TFDP2: variants seen among roughly 807,000 people sequenced by gnomAD.
The protein encoded by TFDP2 is transcription factor Dp-2.
Under a neutral mutation model 59.3 loss-of-function variants are expected in TFDP2, and 17 were observed. That is an observed-to-expected ratio of 0.29 (90% CI 0.20 to 0.43). The LOEUF is 0.43. Among genes scored for constraint, TFDP2 ranks in the 20% least tolerant of loss-of-function variants. The pLI is 1.00. For synonymous variants in TFDP2, 180 were observed against 194.7 expected (o/e 0.92, Z 0.63); for missense variants, 391 against 528.8 (o/e 0.74, Z 2.56).
intron 6 of TFDP2, among the ~76,000 whole-genome samples, chr3:141,979,131 A>G (rs190218802): frequency 1.9e-3 from 287 of 152,354 alleles, no homozygotes; most frequent in African/African-American, 6.5e-3. Context: ...CAGTAGTCCA[A>G]TAAGATTACA....
At chr3:142,030,145 T>A (rs1198916294) in intron 3 of TFDP2, among the ~76,000 whole-genome samples, 1 of 152,212 alleles carries the variant, frequency 6.6e-6, no homozygotes, top group Non-Finnish European at 1.5e-5. Flanking sequence ...AAAATTTTCC[T>A]TTGCCAACAC....
chr3:142,024,445 A>G (rs908248329), intron 3 of TFDP2, among the ~76,000 whole-genome samples: 1 of 152,174 alleles, frequency 6.6e-6, no homozygotes, highest in Non-Finnish European at 1.5e-5. Context: ...ACAATGTAAA[A>G]GGTTTTCTCT....
chr3:142,071,041 T>C (rs554202844), intron 3 of TFDP2, among the ~76,000 whole-genome samples: 22 of 151,954 alleles, frequency 1.4e-4, no homozygotes, highest in Non-Finnish European at 2.9e-4. Context: ...GAGGAGCATA[T>C]AGAAAGGCTA....
chr3:142,000,846 G>C (rs1943699433), intron 4 of TFDP2, among the ~76,000 whole-genome samples: 1 of 152,144 alleles, frequency 6.6e-6, no homozygotes. Flanking sequence ...AACTTTTAAG[G>C]CTTCAGAATA....
In TFDP2 at chr3:141,970,095, T is replaced by A; in HGVS notation, c.710A>T (p.Gln237Leu). 3.1e-6 allele frequency: 5 copies of A among 1,614,202 alleles called. No individual in the cohort carries two copies. The highest frequency in any genetic ancestry group is 3.4e-6 in the Non-Finnish European group (4 of 1,180,016). The change falls in exon 9 of 13, where the codon CAG becomes CTG. Residue 237 changes from glutamine (Q) to leucine (L), a missense_variant. Physicochemically the swap from Gln to Leu is moderately radical, Grantham distance 113 (BLOSUM62 -2). Around this residue, in one of 3 missense-constraint regions of TFDP2, gnomAD observed 223 missense variants for 292.5 expected, o/e 0.76. Coordinates refer to ENST00000489671, the MANE Select transcript of TFDP2 (RefSeq NM_001178139.2). ...TACCTGTAGGAGAAGTTCTTGCAGC[T>A]GGGCCCGCTTCTGCTTTATCCGTTC... ...RIERIKQKRA[Q>L]LQELLLQQIA...
At chr3:141,991,657 G>A (rs1942780967) in intron 6 of TFDP2, among the ~76,000 whole-genome samples, 1 of 152,166 alleles carries the variant, frequency 6.6e-6, no homozygotes, top group Admixed American at 6.5e-5. Flanking sequence ...GCTGAGGCAG[G>A]AGAATCACTT....
intron 6 of TFDP2, among the ~76,000 whole-genome samples, chr3:141,983,214 G>T (rs956355066): frequency 4.6e-5 from 7 of 152,156 alleles, no homozygotes; most frequent in African/African-American, 1.7e-4. Flanking sequence ...ACAGATGAGA[G>T]ATTTGGTCCT....
At chr3:142,090,956 A>G (rs1346082323) in intron 3 of TFDP2, 2 of 152,130 alleles carry the variant, frequency 1.3e-5, no homozygotes, top group African/African-American at 4.8e-5. Flanking sequence ...TCATTATTGC[A>G]ATACTCAATA....
intron 1 of TFDP2, among the ~76,000 whole-genome samples, chr3:142,124,721 C>T (rs1336744633): frequency 2.0e-5 from 3 of 151,880 alleles, no homozygotes; most frequent in African/African-American, 7.3e-5. Flanking sequence ...ACAAAAAATG[C>T]ACATTTTTTT....
chr3:141,953,819 G>A (rs1029170225), intron 11 of TFDP2, among the ~76,000 whole-genome samples: 1 of 126,840 alleles, frequency 7.9e-6, no homozygotes, highest in African/African-American at 3.1e-5. Context: ...TTTTAAAAAG[G>A]TCACATGCAG....
At chr3:142,021,508 G>C (rs944266231) in intron 3 of TFDP2, among the ~76,000 whole-genome samples, 1 of 152,112 alleles carries the variant, frequency 6.6e-6, no homozygotes, top group Non-Finnish European at 1.5e-5. Context: ...ATTTCTAAAT[G>C]AATAAATCTT....
intron 3 of TFDP2, among the ~76,000 whole-genome samples, chr3:142,067,081 T>TC (rs2060096801): frequency 6.6e-6 from 1 of 152,148 alleles, no homozygotes; most frequent in Non-Finnish European, 1.5e-5. Flanking sequence ...AACACTTTCC[T>TC]CCTAATATGG....
intron 7 of TFDP2, among the ~76,000 whole-genome samples, chr3:141,975,161 C>G (rs143067525): frequency 1.3e-3 from 204 of 151,942 alleles, no homozygotes; most frequent in African/African-American, 4.7e-3. Context: ...ATCTGCCTGC[C>G]TCGACCTCCC....
chr3:142,138,488 G>C (rs2062818050), intron 1 of TFDP2, among the ~76,000 whole-genome samples: 1 of 152,112 alleles, frequency 6.6e-6, no homozygotes, highest in Non-Finnish European at 1.5e-5. Context: ...GATCTTTCCT[G>C]CTTTCTCTTG....
At chr3:142,000,944 A>T (rs1943707554) in intron 4 of TFDP2, among the ~76,000 whole-genome samples, 1 of 152,100 alleles carries the variant, frequency 6.6e-6, no homozygotes, top group South Asian at 2.1e-4. Context: ...CCATGACTTT[A>T]TTGGGGGCAG....
At chr3:142,021,257 C>T (rs1303598269) in intron 3 of TFDP2, among the ~76,000 whole-genome samples, 2 of 152,134 alleles carry the variant, frequency 1.3e-5, no homozygotes, top group Non-Finnish European at 2.9e-5. Context: ...CTGGAACCTT[C>T]CTCTTTCTAT....
chr3:142,130,234 AACATAT>A (rs745337697), intron 1 of TFDP2, among the ~76,000 whole-genome samples: 3 of 152,138 alleles, frequency 2.0e-5, no homozygotes, highest in Non-Finnish European at 4.4e-5. Flanking sequence ...ATCAAAATGT[AACATAT>A]ACATAGAGTA....
intron 3 of TFDP2, among the ~76,000 whole-genome samples, chr3:142,048,630 A>C (rs913474733): frequency 6.6e-6 from 1 of 152,122 alleles, no homozygotes; most frequent in Non-Finnish European, 1.5e-5. Flanking sequence ...CGGTGGTACA[A>C]TCACAGCTCA....
At chr3:141,964,608 T>C (rs772397499) in intron 9 of TFDP2, among the ~76,000 whole-genome samples, 5 of 152,136 alleles carry the variant, frequency 3.3e-5, no homozygotes, top group Non-Finnish European at 5.9e-5. Context: ...GCAGAGATCA[T>C]ACCACTCCAT....
Sources: gnomAD v4.1 joint callset for allele counts (sites outside exome capture counted in the v4.1 genomes callset) on GRCh38, gnomAD v4.1.1 for gene constraint, gnomAD v4.1.1 regional missense constraint, MANE v1.5 for transcripts, NCBI Gene and HGNC (gene_info 2026-07-23, HGNC 2026-07-21) for gene names.